VPS53: variants seen among roughly 807,000 people sequenced by gnomAD.
VPS53 encodes the protein vacuolar protein sorting-associated protein 53 homolog.
Under a neutral mutation model 107.0 loss-of-function variants are expected in VPS53, and 70 were observed. The ratio of observed to expected loss-of-function variants is 0.65; its 90% confidence interval spans 0.54 to 0.80. The LOEUF (loss-of-function observed/expected upper bound fraction) is 0.80. Ranked by LOEUF, VPS53 falls within the 30% of genes least tolerant of loss-of-function variation. The pLI, the probability that VPS53 is intolerant of heterozygous loss-of-function variation, is 0.00. For synonymous variants in VPS53, 409 were observed against 393.3 expected (o/e 1.04, Z -0.47); for missense variants, 917 against 1,049.4 (o/e 0.87, Z 1.74).
At chr17:646,325 C>A (rs1430918116) in intron 7 of VPS53, among the ~76,000 whole-genome samples, 4 of 128,364 alleles carry the variant, frequency 3.1e-5, no homozygotes, top group African/African-American at 1.1e-4. Context: ...TGATAAGGGT[C>A]TTATTTTTTC....
At chr17:642,274 AAGGACAACACTCATACTTGGCAACCG>A (rs1415838561) in intron 7 of VPS53, among the ~76,000 whole-genome samples, 6 of 152,252 alleles carry the variant, frequency 3.9e-5, no homozygotes, top group East Asian at 3.9e-4. Context: ...TGAGATCACC[AAGGACAACACTCATACTTGGCAACCG>A]AGGACAACAC....
intron 4 of VPS53, among the ~76,000 whole-genome samples, chr17:677,003 T>C (rs1972192784): frequency 6.6e-6 from 1 of 152,182 alleles, no homozygotes; most frequent in Non-Finnish European, 1.5e-5. Context: ...AGAATGAATC[T>C]ATGAAAGTTC....
rs1908413626 is a variant in VPS53, at chr17:517,752, C to T, written c.*1376G>A. Reference sequence around the variant, plus strand: ...GGCAGGCTGGTCTCGAATTCCTGACCTCAGGTGATCCACCTGCCTCAGCCT... The same window carrying T: ...GGCAGGCTGGTCTCGAATTCCTGACTTCAGGTGATCCACCTGCCTCAGCCT... On this transcript the variant is annotated 3_prime_UTR_variant, in exon 22 of 22. Transcript: ENST00000437048. 4.7e-6 allele frequency: 1 copy of T among 215,002 alleles called. No homozygotes were observed. The highest frequency in any genetic ancestry group is 1.9e-4 in the South Asian group (1 of 5,376). The allele number at this position is 215,002 out of a possible 1,614,324, so 13.3% of individuals were successfully genotyped here.
intron 2 of VPS53, among the ~76,000 whole-genome samples, chr17:701,574 C>T (rs1207587703): frequency 2.6e-5 from 4 of 152,074 alleles, no homozygotes; most frequent in African/African-American, 4.8e-5. Flanking sequence ...GACGGGGTTT[C>T]ACCACGTTGG....
At position 522,454 on chromosome 17, in the gene VPS53, G is replaced by A. The variant is rs528239861; in HGVS notation, c.2086-716C>T. On this transcript the variant is annotated intron_variant, in intron 19 of 21. Transcript: ENST00000437048. ...CTCATGGCGAGACCCCATCTCTAAAGAAGAATCGTGATTTAATGGCTGTGC... is the reference window on the plus strand; with the variant it reads ...CTCATGGCGAGACCCCATCTCTAAAAAAGAATCGTGATTTAATGGCTGTGC... Among the ~76,000 whole-genome samples, 15 of 152,296 alleles carry A rather than the reference G, an allele frequency of 9.8e-5. 1 individual carries two copies. The highest frequency in any genetic ancestry group is 3.4e-4 in the African/African-American group (14 of 41,552).
intron 4 of VPS53, among the ~76,000 whole-genome samples, chr17:669,092 T>G (rs986430943): frequency 1.3e-5 from 2 of 152,188 alleles, no homozygotes; most frequent in Admixed American, 6.5e-5. Flanking sequence ...ATCAGGCAAG[T>G]CCATTCTCAA....
chr17:709,772 C>G (rs1405708438), intron 2 of VPS53, among the ~76,000 whole-genome samples: 1 of 152,186 alleles, frequency 6.6e-6, no homozygotes, highest in Non-Finnish European at 1.5e-5. Context: ...CACCCAAACA[C>G]CCAAAAACCA....
intron 11 of VPS53, among the ~76,000 whole-genome samples, chr17:609,993 G>C (rs375723690): frequency 1.3e-5 from 2 of 151,976 alleles, no homozygotes; most frequent in Non-Finnish European, 2.9e-5. Flanking sequence ...TTAGCCAGGC[G>C]TGGTGGCGGG....
At chr17:681,499 T>C (rs1332890415) in intron 4 of VPS53, among the ~76,000 whole-genome samples, 1 of 152,238 alleles carries the variant, frequency 6.6e-6, no homozygotes, top group Non-Finnish European at 1.5e-5. Context: ...CTTTAGTGTC[T>C]GCTCTGATAA....
intron 7 of VPS53, among the ~76,000 whole-genome samples, chr17:638,173 C>T (rs555029438): frequency 3.9e-4 from 60 of 152,028 alleles, no homozygotes; most frequent in Non-Finnish European, 7.6e-4. Flanking sequence ...TAAGTAATGG[C>T]CTTCTTTGTC....
At chr17:525,362 G>A (rs137930262) in intron 19 of VPS53, among the ~76,000 whole-genome samples, 1 of 152,262 alleles carries the variant, frequency 6.6e-6, no homozygotes, top group East Asian at 1.9e-4. Context: ...GCGGTCTTCA[G>A]CAATAACTGT....
chr17:631,770 A>G (rs1969972357), intron 7 of VPS53, 142 bp from the exon 8 acceptor site: 1 of 649,654 alleles, frequency 1.5e-6, no homozygotes, highest in Non-Finnish European at 2.7e-6. Flanking sequence ...GAGGTCACAT[A>G]CTAGTTAAGT....
At chr17:620,311 G>A (rs964367868) in intron 11 of VPS53, among the ~76,000 whole-genome samples, 2 of 152,170 alleles carry the variant, frequency 1.3e-5, no homozygotes, top group African/African-American at 4.8e-5. Context: ...AGACCAGCCC[G>A]ATTCACCCGC....
chr17:650,930 G>A (rs1970919577), intron 7 of VPS53, among the ~76,000 whole-genome samples: 1 of 152,090 alleles, frequency 6.6e-6, no homozygotes, highest in Non-Finnish European at 1.5e-5. Flanking sequence ...ACATGTGGTT[G>A]AAAACAAAAA....
chr17:703,905 A>C (rs1358454055), intron 2 of VPS53, among the ~76,000 whole-genome samples: 5 of 151,552 alleles, frequency 3.3e-5, no homozygotes, highest in African/African-American at 1.2e-4. Flanking sequence ...GGCTCAAGCG[A>C]TCCTCCTGCC....
intron 6 of VPS53, among the ~76,000 whole-genome samples, chr17:654,736 C>CAAA (rs35308893): frequency 2.5e-4 from 17 of 67,518 alleles, no homozygotes; most frequent in African/African-American, 6.5e-4. Flanking sequence ...GACTCCAACT[C>CAAA]AAAAAAAAAA....
At chr17:581,132 C>A (rs570302980) in intron 13 of VPS53, among the ~76,000 whole-genome samples, 49 of 150,786 alleles carry the variant, frequency 3.2e-4, no homozygotes, top group Non-Finnish European at 6.1e-4. Context: ...GGACCTAATG[C>A]GTTTCCAGAG....
chr17:664,181 C>T (rs896302153), intron 4 of VPS53, among the ~76,000 whole-genome samples: 6 of 152,088 alleles, frequency 3.9e-5, no homozygotes, highest in Non-Finnish European at 7.4e-5. Context: ...CAGGTTCAAG[C>T]AATTCTCCTG....
At chr17:654,156 C>T (rs756845410) in intron 6 of VPS53, among the ~76,000 whole-genome samples, 3 of 152,156 alleles carry the variant, frequency 2.0e-5, no homozygotes, top group African/African-American at 7.2e-5. Flanking sequence ...GATCGTGCCA[C>T]TGCACTCCAG....
Sources: allele counts gnomAD v4.1 joint callset (sites outside exome capture counted in the v4.1 genomes callset), GRCh38; gene constraint gnomAD v4.1.1; transcripts MANE v1.5; gene names NCBI Gene and HGNC (gene_info 2026-07-23, HGNC 2026-07-21).